OSMR: variants seen among roughly 807,000 people sequenced by gnomAD.
OSMR encodes oncostatin M receptor, also known as oncostatin-M-specific receptor subunit beta.
OSMR carries 81 observed loss-of-function variants against 99.9 expected under a neutral mutation model. That is an observed-to-expected ratio of 0.81 (90% CI 0.68 to 0.97). The LOEUF (loss-of-function observed/expected upper bound fraction) is 0.97. Among genes scored for constraint, OSMR ranks in the 50% least tolerant of loss-of-function variants. The pLI, the probability that OSMR is intolerant of heterozygous loss-of-function variation, is 0.00. For missense variants in OSMR, 1,099 were observed against 1,153.4 expected, an observed-to-expected ratio of 0.95 and a Z score of 0.68; for synonymous variants, 406 against 410.4, an observed-to-expected ratio of 0.99 and a Z score of 0.13.
At chr5:38,911,039 A>G (rs1745544949) in intron 9 of OSMR, among the ~76,000 whole-genome samples, 2 of 152,182 alleles carry the variant, frequency 1.3e-5, no homozygotes, top group African/African-American at 4.8e-5. Context: ...AGAAGTAGAG[A>G]AACAAGAACA....
At chr5:38,927,624 T>A (rs1228945630) in intron 15 of OSMR, among the ~76,000 whole-genome samples, 1 of 152,178 alleles carries the variant, frequency 6.6e-6, no homozygotes, top group Non-Finnish European at 1.5e-5. Flanking sequence ...GAAACCATTT[T>A]TCCCTACTAG....
chr5:38,944,820 A>G (rs1283747746), intron 2 of OSMR: 3 of 1,243,412 alleles, frequency 2.4e-6, no homozygotes, highest in East Asian at 4.6e-5. Flanking sequence ...TTTTGAGACA[A>G]CTTTAATTTA....
At chr5:38,913,879 T>C (rs1745751179) in intron 9 of OSMR, among the ~76,000 whole-genome samples, 1 of 152,172 alleles carries the variant, frequency 6.6e-6, no homozygotes, top group African/African-American at 2.4e-5. Context: ...GGGGGAAGGT[T>C]AAGCTACTGT....
intron 15 of OSMR, among the ~76,000 whole-genome samples, chr5:38,931,019 T>C (rs1746717833): frequency 6.6e-6 from 1 of 151,920 alleles, no homozygotes; most frequent in Admixed American, 6.6e-5. Context: ...TTTTTTGTTA[T>C]CTGCGTGGCC....
downstream of OSMR, chr5:38,940,494 A>G (rs796189926): frequency 1.3e-5 from 3 of 232,798 alleles, no homozygotes; most frequent in African/African-American, 6.6e-5. Context: ...ATGACAGGCA[A>G]CGTTCTTAGA....
chr5:38,902,000 G>A (rs1209515430), intron 7 of OSMR, among the ~76,000 whole-genome samples: 1 of 152,196 alleles, frequency 6.6e-6, no homozygotes. Flanking sequence ...TTGGTGTTCA[G>A]CTTAAGTGGC....
At chr5:38,918,391 G>A (rs1746041332) in intron 10 of OSMR, among the ~76,000 whole-genome samples, 1 of 152,118 alleles carries the variant, frequency 6.6e-6, no homozygotes, top group African/African-American at 2.4e-5. Context: ...AGGGCTCTGG[G>A]TATGGAGAGC....
At chr5:38,889,364 T>C (rs182017991) in intron 7 of OSMR, among the ~76,000 whole-genome samples, 3 of 152,240 alleles carry the variant, frequency 2.0e-5, no homozygotes, top group Non-Finnish European at 1.5e-5. Flanking sequence ...ATCCCTTCAT[T>C]TATTTTATTT....
chr5:38,898,950 CTTTTTTTTT>C (rs58159819), intron 7 of OSMR, among the ~76,000 whole-genome samples: 1 of 78,286 alleles, frequency 1.3e-5, no homozygotes, highest in African/African-American at 6.3e-5. Context: ...TACATAATAT[CTTTTTTTTT>C]TTTTTTTTTT....
intron 10 of OSMR, among the ~76,000 whole-genome samples, chr5:38,917,844 C>T (rs891533193): frequency 6.6e-6 from 1 of 152,166 alleles, no homozygotes; most frequent in Admixed American, 6.5e-5. Flanking sequence ...ACCTTCTCTG[C>T]AACTTCAACT....
At chr5:38,890,619 C>G in intron 7 of OSMR, among the ~76,000 whole-genome samples, 1 of 133,624 alleles carries the variant, frequency 7.5e-6, no homozygotes, top group South Asian at 2.4e-4. Context: ...TTTTTTTTGT[C>G]TTATCTTGGC....
intron 1 of OSMR, among the ~76,000 whole-genome samples, chr5:38,853,543 ATTG>A (rs1740606601): frequency 2.0e-5 from 3 of 152,192 alleles, no homozygotes; most frequent in Non-Finnish European, 4.4e-5. Context: ...TCTGCGTGCT[ATTG>A]TTCCAGTACC....
chr5:38,897,374 CTTAGAT>C (rs549016526), intron 7 of OSMR, among the ~76,000 whole-genome samples: 5 of 151,970 alleles, frequency 3.3e-5, no homozygotes, highest in Non-Finnish European at 1.5e-5. Flanking sequence ...GTTCAATATT[CTTAGAT>C]TTATGTGTCT....
chr5:38,900,763 T>A (rs1579742168), intron 7 of OSMR, among the ~76,000 whole-genome samples: 1 of 81,552 alleles, frequency 1.2e-5, no homozygotes, highest in South Asian at 4.3e-4. Flanking sequence ...TGTAGAAGTA[T>A]TTTTTTTGTG....
chr5:38,939,019 TAGTTTACA>T (rs1747253278), downstream of OSMR: 2 of 232,968 alleles, frequency 8.6e-6, no homozygotes, highest in East Asian at 1.2e-4. Flanking sequence ...TTTCCCAAAG[TAGTTTACA>T]AAGTTCATCT....
chr5:38,896,505 C>T (rs1056546493), intron 7 of OSMR, among the ~76,000 whole-genome samples: 40 of 151,872 alleles, frequency 2.6e-4, no homozygotes, highest in Admixed American at 2.3e-3. Flanking sequence ...CTGTATCCTG[C>T]AACTTTACTG....
intron 7 of OSMR, among the ~76,000 whole-genome samples, chr5:38,900,390 G>A (rs1352788536): frequency 6.6e-6 from 1 of 152,172 alleles, no homozygotes; most frequent in Non-Finnish European, 1.5e-5. Context: ...TACTGTGAGT[G>A]CCTACTTGAC....
In OSMR at chr5:38,904,342, T is replaced by G. The variant is rs372262897; in HGVS notation, c.1135-11T>G. The G allele has an allele frequency of 9.5e-4, 1,531 of 1,613,438 alleles. No individual in the cohort carries two copies. Among genetic ancestry groups the G allele is most frequent in the Admixed American group, 1.3e-3 (80 of 59,944 alleles). On this transcript the variant is annotated splice_polypyrimidine_tract_variant and intron_variant, in intron 8 of 17. Transcript: ENST00000274276. ...CTCTTTTTTCTTTTCTTCTCTTTTT[T>G]GATCAAGCAGTACAATGTTTCCATC...
At chr5:38,936,160 A>G (rs1747025975), downstream of OSMR, among the ~76,000 whole-genome samples, 1 of 152,274 alleles carries the variant, frequency 6.6e-6, no homozygotes, top group African/African-American at 2.4e-5. Context: ...TTAATAAACC[A>G]CTATGTATCA....
Sources: allele counts gnomAD v4.1 joint callset (sites outside exome capture counted in the v4.1 genomes callset), GRCh38; gene constraint gnomAD v4.1.1; transcripts MANE v1.5; gene names NCBI Gene and HGNC (gene_info 2026-07-23, HGNC 2026-07-21).